RGS6: variants seen among roughly 807,000 people sequenced by gnomAD.
The protein encoded by RGS6 is regulator of G protein signaling 6, also known as regulator of G-protein signaling 6.
A neutral mutation model predicts 78.5 loss-of-function variants in RGS6; 30 were observed. The ratio of observed to expected loss-of-function variants is 0.38; its 90% confidence interval spans 0.29 to 0.52. RGS6 has a LOEUF of 0.52. Ranked by LOEUF, RGS6 falls within the 20% of genes least tolerant of loss-of-function variation. The pLI is 0.85. For synonymous variants in RGS6, 206 were observed against 206.0 expected (o/e 1.00, Z 0.00); for missense variants, 495 against 609.7 (o/e 0.81, Z 1.98).
At chr14:72,253,667 G>T (rs2153848723) in intron 2 of RGS6, among the ~76,000 whole-genome samples, 1 of 152,278 alleles carries the variant, frequency 6.6e-6, no homozygotes, top group East Asian at 1.9e-4. Flanking sequence ...AGTGAAGTTG[G>T]GTGTGGCACT....
chr14:72,539,977 C>T (rs376753383), intron 16 of RGS6, 64 bp from the exon 17 acceptor site: 29 of 1,403,134 alleles, frequency 2.1e-5, no homozygotes, highest in South Asian at 1.7e-4. Context: ...TTGGGAACCA[C>T]GTATAAGCTG....
intron 2 of RGS6, among the ~76,000 whole-genome samples, chr14:72,123,151 G>C (rs892758938): frequency 2.0e-5 from 3 of 152,142 alleles, no homozygotes; most frequent in Non-Finnish European, 4.4e-5. Flanking sequence ...TTTTTTAGTA[G>C]AGACACGGTT....
intron 2 of RGS6, among the ~76,000 whole-genome samples, chr14:72,339,543 A>C (rs1048851001): frequency 6.6e-6 from 1 of 152,146 alleles, no homozygotes; most frequent in Non-Finnish European, 1.5e-5. Context: ...CCAATTTAGA[A>C]AGACTAGGGG....
chr14:72,086,594 T>C (rs867204780), intron 2 of RGS6, among the ~76,000 whole-genome samples: 1 of 152,206 alleles, frequency 6.6e-6, no homozygotes, highest in East Asian at 1.9e-4. Flanking sequence ...CAGAGCAATT[T>C]TGTAACTGAT....
chr14:72,413,439 C>A (rs2093578519), intron 3 of RGS6, among the ~76,000 whole-genome samples: 1 of 152,090 alleles, frequency 6.6e-6, no homozygotes, highest in Admixed American at 6.5e-5. Flanking sequence ...TCCTCCATCC[C>A]TTTATTTTGA....
intron 3 of RGS6, among the ~76,000 whole-genome samples, chr14:72,393,902 G>A (rs1171436513): frequency 2.0e-5 from 3 of 152,170 alleles, no homozygotes; most frequent in Non-Finnish European, 4.4e-5. Context: ...CAATAATTAG[G>A]TGTCTTAAAA....
intron 2 of RGS6, among the ~76,000 whole-genome samples, chr14:72,161,366 C>T (rs190125070): frequency 6.6e-6 from 1 of 152,004 alleles, no homozygotes; most frequent in African/African-American, 2.4e-5. Context: ...CACATGTATC[C>T]CAGAACTTTA....
At chr14:72,546,726 A>G (rs1320624214) in intron 17 of RGS6, among the ~76,000 whole-genome samples, 1 of 152,128 alleles carries the variant, frequency 6.6e-6, no homozygotes, top group Non-Finnish European at 1.5e-5. Flanking sequence ...TGTGCCAAGC[A>G]GTCAAGTGAA....
chr14:72,469,207 C>CTT (rs11300461), intron 7 of RGS6, among the ~76,000 whole-genome samples: 5,774 of 139,412 alleles, frequency 0.041, 217 homozygotes, highest in South Asian at 0.097. Flanking sequence ...GTTTGGGGCA[C>CTT]TTTTTTTTTT....
At chr14:72,069,290 A>G (rs2094311771) in intron 2 of RGS6, among the ~76,000 whole-genome samples, 1 of 151,958 alleles carries the variant, frequency 6.6e-6, no homozygotes, top group South Asian at 2.1e-4. Flanking sequence ...TTTTAGGTTG[A>G]TATTTTTTTT....
At chr14:72,156,782 T>C (rs2096779134) in intron 2 of RGS6, among the ~76,000 whole-genome samples, 2 of 152,224 alleles carry the variant, frequency 1.3e-5, no homozygotes, top group Admixed American at 1.3e-4. Context: ...AGGCAAAGGC[T>C]GCAGCCTGAT....
chr14:72,597,441 G>A, the RGS6 span, among the ~76,000 whole-genome samples: 2 of 152,234 alleles, frequency 1.3e-5, no homozygotes, highest in Non-Finnish European at 2.9e-5. Context: ...AAACCCCCAG[G>A]AGCCAGGGCT....
At chr14:71,895,347 C>A in the RGS6 span, among the ~76,000 whole-genome samples, 14 of 151,820 alleles carry the variant, frequency 9.2e-5, no homozygotes, top group African/African-American at 3.4e-4. Context: ...CCACACCCAG[C>A]TAATTTTTTT....
chr14:72,306,235 C>CT (rs1299235494), intron 2 of RGS6, among the ~76,000 whole-genome samples: 1 of 152,180 alleles, frequency 6.6e-6, no homozygotes, highest in African/African-American at 2.4e-5. Context: ...ACCTACTGCT[C>CT]AAAAACAAAG....
intron 2 of RGS6, among the ~76,000 whole-genome samples, chr14:72,154,095 C>T (rs1321162331): frequency 2.6e-5 from 4 of 152,154 alleles, no homozygotes; most frequent in South Asian, 4.1e-4. Flanking sequence ...ATTAATATTC[C>T]TTGCTAGGAA....
intron 2 of RGS6, among the ~76,000 whole-genome samples, chr14:72,157,624 C>G (rs149680): frequency 0.41 from 61,935 of 151,966 alleles, 13,262 homozygotes; most frequent in African/African-American, 0.54. Flanking sequence ...GGAAGAAATT[C>G]GAACATTTTC....
At chr14:72,296,060 C>G (rs1318467869) in intron 2 of RGS6, among the ~76,000 whole-genome samples, 9 of 152,232 alleles carry the variant, frequency 5.9e-5, no homozygotes, top group Admixed American at 2.0e-4. Flanking sequence ...GATGTGATGT[C>G]TATCACCACA....
intron 12 of RGS6, among the ~76,000 whole-genome samples, chr14:72,488,732 C>T (rs939569975): frequency 1.1e-4 from 16 of 152,316 alleles, no homozygotes; most frequent in African/African-American, 3.6e-4. Flanking sequence ...ACCACAGCCT[C>T]TCCTGAGCCT....
chr14:71,973,282 C>T lies in RGS6; in HGVS notation c.84+8407C>T, dbSNP rs78939392. ...TTTTAATTTTCTTTAAAAAGTGAAC[C>T]GAGCCAAAACTTTAAAAACAGGTAA... On this transcript the variant is annotated intron_variant, in intron 2 of 17. Coordinates refer to ENST00000553525, the MANE Select transcript of RGS6 (RefSeq NM_001204424.2). 7.6e-3 allele frequency among the ~76,000 whole-genome samples: 1,148 copies of T among 151,834 alleles called. 16 individuals carry two copies. The highest frequency in any genetic ancestry group is 0.025 in the African/African-American group (1,048 of 41,404).
Sources: allele counts gnomAD v4.1 joint callset (sites outside exome capture counted in the v4.1 genomes callset), GRCh38; gene constraint gnomAD v4.1.1; transcripts MANE v1.5; gene names NCBI Gene and HGNC (gene_info 2026-07-23, HGNC 2026-07-21).